The following METTL24 variants were observed in gnomAD, a reference collection of about 807,000 sequenced individuals.
METTL24 encodes methyltransferase like 24, also known as probable methyltransferase-like protein 24.
In METTL24, 29 loss-of-function variants were observed where a neutral mutation model predicts 32.7. The observed-to-expected ratio is 0.89, with a 90% CI of 0.66 to 1.21. METTL24 has a LOEUF of 1.21. Ranked by LOEUF, METTL24 falls within the 50% of genes most tolerant of loss-of-function variation. The pLI is 0.00. For synonymous variants in METTL24, 163 were observed against 179.5 expected (o/e 0.91, Z 0.73); for missense variants, 439 against 468.1 (o/e 0.94, Z 0.57).
chr6:110,261,879 C>T (rs941438070), intron 4 of METTL24, among the ~76,000 whole-genome samples: 22 of 152,154 alleles, frequency 1.4e-4, no homozygotes, highest in African/African-American at 1.2e-4. Context: ...GGGTACATAA[C>T]GAAATGAAGG....
At chr6:110,350,173 A>C (rs960678465) in intron 1 of METTL24, among the ~76,000 whole-genome samples, 1 of 152,254 alleles carries the variant, frequency 6.6e-6, no homozygotes, top group African/African-American at 2.4e-5. Context: ...AATTCCTCAC[A>C]CATGGGAAAG....
rs1195740747 is a variant in METTL24, at chr6:110,295,013, C to CTT, written c.786+3907_786+3908dup. 1.7e-3 allele frequency among the ~76,000 whole-genome samples: 133 copies of CTT among 78,124 alleles called. 6 individuals are homozygous for CTT. Among genetic ancestry groups the CTT allele is most frequent in the Middle Eastern group, 0.022 (2 of 92 alleles). 51.3% of individuals were successfully genotyped at this position (78,124 alleles called of 152,430 possible). A position where few individuals can be genotyped will look rare whatever the true frequency, so the allele number is the denominator to read the frequency against. ...ATTGCTTTTCTTTTTTTCTTTCTTT[C>CTT]TTTTTTTTTTTTTTTTTTTTTTTTT... On this transcript the variant is annotated intron_variant, in intron 4 of 4. Transcript: ENST00000338882.
intron 1 of METTL24, among the ~76,000 whole-genome samples, chr6:110,334,386 G>C (rs769442637): frequency 6.6e-6 from 1 of 152,204 alleles, no homozygotes; most frequent in Non-Finnish European, 1.5e-5. Flanking sequence ...GCCACAGAGA[G>C]CACCCAAAAC....
intron 4 of METTL24, among the ~76,000 whole-genome samples, chr6:110,249,962 T>A (rs551824526): frequency 3.6e-4 from 54 of 152,112 alleles, no homozygotes; most frequent in African/African-American, 1.3e-3. Context: ...TCAATTGACT[T>A]TCACAAACCT....
intron 4 of METTL24, among the ~76,000 whole-genome samples, chr6:110,278,693 T>C (rs889857605): frequency 1.2e-4 from 19 of 152,160 alleles, no homozygotes; most frequent in Admixed American, 2.6e-4. Flanking sequence ...AGTTGCATTA[T>C]AAGAGAACAG....
Position 110,257,583 on chromosome 6 carries a change from G to A in METTL24, c.787-11323C>T, listed in dbSNP as rs140250786. ...CACAGCAGCATCACCGAGATGGCTC[G>A]TAAAAACACAGTTTCTCACTCAGTA... On this transcript the variant is annotated intron_variant, in intron 4 of 4. Transcript: ENST00000338882. Among the ~76,000 whole-genome samples the A allele has an allele frequency of 5.2e-3, 791 of 152,168 alleles. 13 individuals carry two copies. Among genetic ancestry groups the A allele is most frequent in the African/African-American group, 0.017 (718 of 41,514 alleles).
At chr6:110,286,591 A>T (rs1771225561) in intron 4 of METTL24, among the ~76,000 whole-genome samples, 1 of 152,182 alleles carries the variant, frequency 6.6e-6, no homozygotes, top group Non-Finnish European at 1.5e-5. Context: ...ATGTACATAC[A>T]ACCTTGCCAT....
At chr6:110,329,230 G>C (rs1772070243) in intron 1 of METTL24, among the ~76,000 whole-genome samples, 1 of 152,142 alleles carries the variant, frequency 6.6e-6, no homozygotes, top group South Asian at 2.1e-4. Context: ...TGCTGGGAAA[G>C]ATGGCTAACC....
intron 4 of METTL24, among the ~76,000 whole-genome samples, chr6:110,256,950 TC>T (rs1022678889): frequency 1.3e-5 from 2 of 152,044 alleles, no homozygotes; most frequent in Admixed American, 6.6e-5. Flanking sequence ...GCTGGTCATC[TC>T]CCCCTCTGAC....
intron 3 of METTL24, among the ~76,000 whole-genome samples, chr6:110,311,468 GTTTTTTTTTTTT>G (rs1051868507): frequency 9.4e-5 from 9 of 96,152 alleles, no homozygotes; most frequent in Non-Finnish European, 1.6e-4. Flanking sequence ...TTCTTTCTTT[GTTTTTTTTTTTT>G]TTTTTTTTTT....
At position 110,336,296 on chromosome 6, in the gene METTL24, C is replaced by A. The variant is rs192981448; in HGVS notation, c.319-13424G>T. ...GGCCTTGCCTCTCATCCCTACCAAC[C>A]CACACTGGCCATGTAGCATAGCAAG... On this transcript the variant is annotated intron_variant, in intron 1 of 4. Coordinates refer to ENST00000338882, the MANE Select transcript of METTL24 (RefSeq NM_001123364.3). 1.3e-3 allele frequency among the ~76,000 whole-genome samples: 193 copies of A among 152,330 alleles called. 1 individual carries two copies. The highest frequency in any genetic ancestry group is 3.4e-3 in the Middle Eastern group (1 of 294).
intron 4 of METTL24, among the ~76,000 whole-genome samples, chr6:110,293,375 C>A (rs1026895370): frequency 1.7e-4 from 26 of 151,944 alleles, no homozygotes; most frequent in African/African-American, 6.0e-4. Context: ...TTTTTATATT[C>A]TAACTGGTTT....
intron 4 of METTL24, among the ~76,000 whole-genome samples, chr6:110,268,640 C>G (rs988026480): frequency 6.6e-6 from 1 of 152,150 alleles, no homozygotes; most frequent in Non-Finnish European, 1.5e-5. Flanking sequence ...GCCTCCTCTC[C>G]CACCTCCTTG....
rs111759057 is a variant in METTL24, at chr6:110,295,794, A to G, written c.786+3128T>C. ...TCCCCGGGAAAGAAAAGAAAGAAAG[A>G]AAGGAAGGAAGGAAGGAAGGAAGGA... On this transcript the variant is annotated intron_variant, in intron 4 of 4. Coordinates refer to ENST00000338882, the MANE Select transcript of METTL24 (RefSeq NM_001123364.3). Among the ~76,000 whole-genome samples, 137 of 136,312 alleles carry G rather than the reference A, an allele frequency of 1.0e-3. 1 individual carries two copies. Among genetic ancestry groups the G allele is most frequent in the African/African-American group, 3.5e-3 (117 of 33,270 alleles). 89.4% of individuals were successfully genotyped at this position (136,312 alleles called of 152,430 possible).
chr6:110,298,890 A>G (rs758291247), intron 4 of METTL24, 32 bp downstream of exon 4: 5 of 1,593,248 alleles, frequency 3.1e-6, no homozygotes, highest in Non-Finnish European at 1.7e-6. Flanking sequence ...TGTTTACTTT[A>G]TTCAAGTATA....
At chr6:110,252,588 A>G (rs150265348) in intron 4 of METTL24, among the ~76,000 whole-genome samples, 22 of 152,298 alleles carry the variant, frequency 1.4e-4, no homozygotes, top group East Asian at 9.6e-4. Flanking sequence ...AGAGGCAACC[A>G]CTATCTCCAT....
intron 1 of METTL24, 146 bp from the exon 2 acceptor site, chr6:110,323,018 G>A (rs112451791): frequency 4.6e-4 from 265 of 570,790 alleles, no homozygotes; most frequent in Admixed American, 7.8e-4. Flanking sequence ...GGCTCTTTGC[G>A]AGCTGCTGTC....
chr6:110,284,617 GA>G (rs139503398), intron 4 of METTL24, among the ~76,000 whole-genome samples: 19,510 of 152,026 alleles, frequency 0.13, 2,860 homozygotes, highest in African/African-American at 0.36. Context: ...ATGAAGAAGT[GA>G]AGGTTTCTTA....
intron 1 of METTL24, among the ~76,000 whole-genome samples, chr6:110,348,876 C>T (rs1772535696): frequency 6.6e-6 from 1 of 152,244 alleles, no homozygotes; most frequent in African/African-American, 2.4e-5. Context: ...AAGAATCTAA[C>T]ATAAACAATG....
Sources: allele counts gnomAD v4.1 joint callset (sites outside exome capture counted in the v4.1 genomes callset), GRCh38; gene constraint gnomAD v4.1.1; transcripts MANE v1.5; gene names NCBI Gene and HGNC (gene_info 2026-07-23, HGNC 2026-07-21).